AHCYL1: variants seen among roughly 807,000 people sequenced by gnomAD.
AHCYL1 encodes S-adenosylhomocysteine hydrolase-like protein 1.
A neutral mutation model predicts 79.3 loss-of-function variants in AHCYL1; 20 were observed. The observed-to-expected ratio is 0.25, with a 90% confidence interval of 0.18 to 0.37. The LOEUF is 0.37. Ranked by LOEUF, AHCYL1 falls within the 10% of genes least tolerant of loss-of-function variation. The pLI is 1.00. For synonymous variants in AHCYL1, 223 were observed against 242.2 expected (o/e 0.92, Z 0.74); for missense variants, 330 against 673.6 (o/e 0.49, Z 5.65).
At chr1:110,008,473 G>A (rs1171942339) in intron 1 of AHCYL1, among the ~76,000 whole-genome samples, 1 of 152,104 alleles carries the variant, frequency 6.6e-6, no homozygotes, top group Non-Finnish European at 1.5e-5. Flanking sequence ...AGGTTCTAGA[G>A]ATATTACATT....
chr1:110,021,951 C>T lies in AHCYL1; in HGVS notation c.*271C>T. The T allele has an allele frequency of 4.8e-6, 2 of 418,066 alleles. No individual in the cohort carries two copies. The highest frequency in any genetic ancestry group is 8.4e-6 in the Non-Finnish European group (2 of 236,838). 25.9% of individuals were successfully genotyped at this position (418,066 alleles called of 1,614,324 possible). On this transcript the variant is annotated 3_prime_UTR_variant, in exon 17 of 17. Transcript: ENST00000369799. The stretch of plus-strand genomic sequence containing the variant: ...CCCAGAAAGGTGATTCTTTCTTTAC[C>T]ATTTCTGGGGACTTTAGTCTTAATT...
At chr1:109,988,480 T>G (rs1160847191) in intron 1 of AHCYL1, among the ~76,000 whole-genome samples, 1 of 152,246 alleles carries the variant, frequency 6.6e-6, no homozygotes, top group African/African-American at 2.4e-5. Context: ...TTTATCCCTC[T>G]TTTGCTGCTA....
At chr1:110,008,901 TG>T in intron 1 of AHCYL1, 132 bp from the exon 2 acceptor site, 2 of 603,108 alleles carry the variant, frequency 3.3e-6, no homozygotes, top group Non-Finnish European at 5.7e-6. Context: ...CCATTTCTGG[TG>T]GGAAAGTTGC....
intron 1 of AHCYL1, among the ~76,000 whole-genome samples, chr1:110,006,226 C>T (rs1650646013): frequency 1.3e-5 from 2 of 152,156 alleles, no homozygotes; most frequent in Non-Finnish European, 2.9e-5. Context: ...TGGTGAGTTA[C>T]TCAAGCATAA....
chr1:109,984,925 TC>T lies in AHCYL1; in HGVS notation c.-127del. ...ACAGCACCTCAGAAGCCGACGCAGC[TC>T]GACGCAGGGGCCGGCAGGAGGGTGG... On this transcript the variant is annotated 5_prime_UTR_variant, in exon 1 of 17. Transcript: ENST00000369799. 1 of 1,309,506 alleles carries T rather than the reference TC, an allele frequency of 7.6e-7. No homozygotes were observed. The highest frequency in any genetic ancestry group is 9.7e-7 in the Non-Finnish European group (1 of 1,028,058). The allele number at this position is 1,309,506 out of a possible 1,614,324, so 81.1% of individuals were successfully genotyped here.
At chr1:109,988,334 G>A (rs1390147122) in intron 1 of AHCYL1, among the ~76,000 whole-genome samples, 1 of 152,220 alleles carries the variant, frequency 6.6e-6, no homozygotes, top group Non-Finnish European at 1.5e-5. Flanking sequence ...GGTATGGCTA[G>A]GAAAATTTGA....
intron 11 of AHCYL1, 115 bp downstream of exon 11, chr1:110,018,131 G>A: frequency 8.4e-7 from 1 of 1,189,116 alleles, no homozygotes; most frequent in East Asian, 2.4e-5. Flanking sequence ...CTCAGAACTA[G>A]AATAAGCTAT....
Position 109,984,978 on chromosome 1 carries a change from C to G in AHCYL1, c.-75C>G, listed in dbSNP as rs1649383067. 7.3e-7 allele frequency: 1 copy of G among 1,370,444 alleles called. No individual in the cohort carries two copies. The highest frequency in any genetic ancestry group is 9.4e-7 in the Non-Finnish European group (1 of 1,064,082). The allele number at this position is 1,370,444 out of a possible 1,614,324, so 84.9% of individuals were successfully genotyped here. A position where few individuals can be genotyped will look rare whatever the true frequency, so the allele number is the denominator to read the frequency against. On this transcript the variant is annotated 5_prime_UTR_variant, in exon 1 of 17. Transcript: ENST00000369799. ...CGATCGCGTGTCGGAGGGCGCCGCG[C>G]GGGCAGGCGGGCGGGCGCCAGAGGG... is the stretch of plus-strand genomic sequence containing the variant.
rs186113881 is a variant in AHCYL1 at position 110,006,295 on chromosome 1, T to C, written c.121-2739T>C. ...GATACTTTCTGCATTTCAGCCACTT[T>C]ATTTCCTTTCCATTCCTTCTCTTCC... On this transcript the variant is annotated intron_variant, in intron 1 of 16. Coordinates refer to ENST00000369799, the MANE Select transcript of AHCYL1 (RefSeq NM_006621.7). Among the ~76,000 whole-genome samples the C allele has an allele frequency of 1.4e-3, 217 of 152,354 alleles. 3 individuals carry two copies. Among genetic ancestry groups the C allele is most frequent in the Middle Eastern group, 6.8e-3 (2 of 294 alleles).
At chr1:110,019,416 G>T (rs1651644966) in intron 14 of AHCYL1, 132 bp from the exon 15 acceptor site, 2 of 830,530 alleles carry the variant, frequency 2.4e-6, no homozygotes, top group Non-Finnish European at 3.9e-6. Flanking sequence ...TTTAGTATAG[G>T]CAAAGTCCTA....
intron 1 of AHCYL1, 146 bp downstream of exon 1, chr1:109,985,318 C>T: frequency 7.3e-7 from 1 of 1,366,742 alleles, no homozygotes; most frequent in Non-Finnish European, 9.5e-7. Context: ...TGTGCGGCCC[C>T]AGGCCTCTCC....
intron 1 of AHCYL1, among the ~76,000 whole-genome samples, chr1:109,988,896 C>G (rs1292028301): frequency 1.3e-5 from 2 of 152,178 alleles, no homozygotes; most frequent in African/African-American, 4.8e-5. Context: ...GGTGTTAACC[C>G]GATAGGTAAA....
intron 1 of AHCYL1, among the ~76,000 whole-genome samples, chr1:109,988,231 G>A (rs1649571435): frequency 6.6e-6 from 1 of 152,126 alleles, no homozygotes; most frequent in Non-Finnish European, 1.5e-5. Context: ...CTGACACAGA[G>A]TTCTAAAATA....
At chr1:109,986,903 A>T (rs1242575954) in intron 1 of AHCYL1, among the ~76,000 whole-genome samples, 3 of 152,152 alleles carry the variant, frequency 2.0e-5, no homozygotes, top group African/African-American at 7.2e-5. Flanking sequence ...ATGAATAACT[A>T]TCCCTTTTCC....
chr1:110,004,201 G>T, intron 1 of AHCYL1: 1 of 985,648 alleles, frequency 1.0e-6, no homozygotes, highest in Non-Finnish European at 1.2e-6. Flanking sequence ...CACAGAGGCG[G>T]GAGTCGGCGG....
intron 16 of AHCYL1, 28 bp downstream of exon 16, chr1:110,020,879 C>G: frequency 6.2e-7 from 1 of 1,603,968 alleles, no homozygotes; most frequent in South Asian, 1.1e-5. Context: ...AAGTGAAAAG[C>G]TCTTTTTCCC....
chr1:109,989,166 T>C (rs1028926792), intron 1 of AHCYL1, among the ~76,000 whole-genome samples: 1 of 152,244 alleles, frequency 6.6e-6, no homozygotes, highest in African/African-American at 2.4e-5. Flanking sequence ...TCTCTTTTTC[T>C]TGTTTGGTTT....
chr1:109,990,082 T>C (rs1480999668), intron 1 of AHCYL1, among the ~76,000 whole-genome samples: 3 of 152,268 alleles, frequency 2.0e-5, no homozygotes, highest in Non-Finnish European at 4.4e-5. Context: ...AGTAGTTCTT[T>C]TGTCCCACTG....
intron 1 of AHCYL1, among the ~76,000 whole-genome samples, chr1:109,988,890 T>C (rs1202731635): frequency 6.6e-6 from 1 of 152,246 alleles, no homozygotes; most frequent in Non-Finnish European, 1.5e-5. Flanking sequence ...AGCTTGGGTG[T>C]TAACCCGATA....
Sources: gnomAD v4.1 joint callset for allele counts (sites outside exome capture counted in the v4.1 genomes callset) on GRCh38, gnomAD v4.1.1 for gene constraint, MANE v1.5 for transcripts, NCBI Gene and HGNC (gene_info 2026-07-23, HGNC 2026-07-21) for gene names.